Variants in PACRG observed in about 807,000 individuals in gnomAD.
PACRG encodes the protein parkin coregulated.
Under a neutral mutation model 29.7 loss-of-function variants are expected in PACRG, and 29 were observed. The ratio of observed to expected loss-of-function variants is 0.98; its 90% CI spans 0.73 to 1.33. PACRG has a LOEUF of 1.33. Among genes scored for constraint, PACRG ranks in the 40% most tolerant of loss-of-function variants. PACRG has a pLI of 0.00. For missense variants in PACRG, 279 were observed against 316.2 expected (o/e 0.88, Z 0.89); for synonymous variants, 116 against 118.7 (o/e 0.98, Z 0.15).
intron 1 of PACRG, among the ~76,000 whole-genome samples, chr6:162,768,567 C>A (rs540378908): frequency 2.9e-4 from 44 of 152,150 alleles, no homozygotes; most frequent in African/African-American, 1.0e-3. Context: ...GTTAGGCTTT[C>A]TCATTCTCTG....
At chr6:162,737,541 A>G (rs970155386) in intron 1 of PACRG, among the ~76,000 whole-genome samples, 2 of 152,154 alleles carry the variant, frequency 1.3e-5, no homozygotes, top group African/African-American at 2.4e-5. Flanking sequence ...TGTGTTTCAT[A>G]ATTCTACATA....
intron 4 of PACRG, chr6:163,179,141 T>C (rs1249496283): frequency 2.2e-6 from 1 of 451,386 alleles, no homozygotes; most frequent in African/African-American, 2.0e-5. Flanking sequence ...TGGACCGTGG[T>C]TTTATAGTGG....
intron 2 of PACRG, among the ~76,000 whole-genome samples, chr6:163,039,024 C>T (rs943324236): frequency 4.6e-5 from 7 of 152,178 alleles, no homozygotes; most frequent in Admixed American, 1.3e-4. Flanking sequence ...CAAATCTCAA[C>T]TCAAACTGTT....
chr6:162,881,007 G>A (rs531296869), intron 2 of PACRG, among the ~76,000 whole-genome samples: 10 of 152,282 alleles, frequency 6.6e-5, no homozygotes, highest in South Asian at 6.2e-4. Flanking sequence ...AGATCGTCAC[G>A]ATCTTCTGTA....
At chr6:162,963,044 A>G (rs755365361) in intron 2 of PACRG, among the ~76,000 whole-genome samples, 1 of 152,196 alleles carries the variant, frequency 6.6e-6, no homozygotes, top group Non-Finnish European at 1.5e-5. Flanking sequence ...TTGTTTTGCT[A>G]TAATAAGATG....
intron 2 of PACRG, among the ~76,000 whole-genome samples, chr6:163,015,432 G>C (rs143681749): frequency 5.3e-5 from 8 of 152,140 alleles, no homozygotes; most frequent in African/African-American, 1.9e-4. Context: ...TCTGGGGATT[G>C]CTTTAGACAG....
chr6:162,832,125 C>G (rs564114611), intron 2 of PACRG, among the ~76,000 whole-genome samples: 1 of 152,312 alleles, frequency 6.6e-6, no homozygotes, highest in African/African-American at 2.4e-5. Context: ...TTCCCATAAA[C>G]AGTGTAAAAG....
At chr6:163,295,524 ATGAACTCCT>A (rs1188723628) in intron 4 of PACRG, among the ~76,000 whole-genome samples, 2 of 152,254 alleles carry the variant, frequency 1.3e-5, no homozygotes, top group Non-Finnish European at 2.9e-5. Flanking sequence ...TGAATGCACC[ATGAACTCCT>A]TGAATTGATC....
intron 1 of PACRG, among the ~76,000 whole-genome samples, chr6:162,761,033 A>G (rs1782316676): frequency 6.6e-6 from 1 of 152,214 alleles, no homozygotes; most frequent in South Asian, 2.1e-4. Flanking sequence ...ATCACATAGC[A>G]GAGTAGAATC....
chr6:163,304,132 G>A (rs1423441391), intron 4 of PACRG, among the ~76,000 whole-genome samples: 3 of 151,908 alleles, frequency 2.0e-5, no homozygotes, highest in Admixed American at 6.5e-5. Flanking sequence ...TTTAAGTTGA[G>A]GAGTACATGA....
chr6:163,200,217 A>T (rs147188739), intron 4 of PACRG, among the ~76,000 whole-genome samples: 1 of 152,098 alleles, frequency 6.6e-6, no homozygotes, highest in Non-Finnish European at 1.5e-5. Context: ...AAAAATACAG[A>T]AAAAAAGGCA....
chr6:162,992,403 TG>T (rs1803520263), intron 2 of PACRG, among the ~76,000 whole-genome samples: 2 of 146,612 alleles, frequency 1.4e-5, no homozygotes, highest in African/African-American at 5.1e-5. Context: ...TATTGATTAT[TG>T]CCCCAATTTC....
At chr6:163,155,053 A>C (rs1310853949) in intron 4 of PACRG, among the ~76,000 whole-genome samples, 1 of 152,106 alleles carries the variant, frequency 6.6e-6, no homozygotes, top group African/African-American at 2.4e-5. Context: ...TTATTGAATT[A>C]ATTTTTCACT....
At chr6:163,308,730 C>A (rs1431715137) in intron 4 of PACRG, among the ~76,000 whole-genome samples, 1 of 151,824 alleles carries the variant, frequency 6.6e-6, no homozygotes, top group African/African-American at 2.4e-5. Flanking sequence ...GGCTTAGTGT[C>A]GTCAAGAAAC....
At chr6:162,960,886 G>C (rs1391249475) in intron 2 of PACRG, among the ~76,000 whole-genome samples, 1 of 41,194 alleles carries the variant, frequency 2.4e-5, no homozygotes, top group African/African-American at 5.4e-5. Flanking sequence ...TTCTCAGCTA[G>C]TTTAACAGCA....
intron 4 of PACRG, among the ~76,000 whole-genome samples, chr6:163,197,504 C>A (rs1482873922): frequency 7.3e-6 from 1 of 137,298 alleles, no homozygotes; most frequent in East Asian, 2.2e-4. Flanking sequence ...AGTGCAGTGG[C>A]GCGATCTCGG....
At chr6:162,762,456 A>C (rs1216610989) in intron 1 of PACRG, among the ~76,000 whole-genome samples, 1 of 152,180 alleles carries the variant, frequency 6.6e-6, no homozygotes, top group East Asian at 1.9e-4. Flanking sequence ...CTCTGTCCAC[A>C]CAGGTGAGCC....
intron 3 of PACRG, among the ~76,000 whole-genome samples, chr6:163,075,969 A>T (rs1812499872): frequency 6.6e-6 from 1 of 152,230 alleles, no homozygotes; most frequent in African/African-American, 2.4e-5. Context: ...AGGAAACAAG[A>T]GCTCAGAAGG....
At chr6:163,036,890 ATCCATCCATC>A (rs2128233740) in intron 2 of PACRG, among the ~76,000 whole-genome samples, 1 of 151,684 alleles carries the variant, frequency 6.6e-6, no homozygotes, top group Non-Finnish European at 1.5e-5. Flanking sequence ...CCATCCATCC[ATCCATCCATC>A]CATCCATCCA....
Sources: gnomAD v4.1 joint callset for allele counts (sites outside exome capture counted in the v4.1 genomes callset) on GRCh38, gnomAD v4.1.1 for gene constraint, MANE v1.5 for transcripts, NCBI Gene and HGNC (gene_info 2026-07-23, HGNC 2026-07-21) for gene names.